The following DPP6 variants were observed in gnomAD, a reference collection of about 807,000 sequenced individuals.
The protein encoded by DPP6 is dipeptidyl peptidase like 6.
DPP6 carries 69 observed loss-of-function variants against 122.6 expected under a neutral mutation model. The ratio of observed to expected loss-of-function variants is 0.56; its 90% CI spans 0.46 to 0.69. The LOEUF is 0.69. DPP6 is among the 30% of genes least tolerant of loss of function. The pLI is 0.00. For synonymous variants in DPP6, 418 were observed against 433.1 expected, an observed-to-expected ratio of 0.97 and a Z score of 0.43; for missense variants, 928 against 1,116.9, an observed-to-expected ratio of 0.83 and a Z score of 2.41.
intron 1 of DPP6, among the ~76,000 whole-genome samples, chr7:154,312,740 C>T (rs1163642395): frequency 2.0e-5 from 3 of 152,170 alleles, no homozygotes; most frequent in African/African-American, 7.2e-5. Context: ...TGGACATGCT[C>T]ATAAGATTTC....
chr7:154,087,182 G>T (rs1459663292), intron 1 of DPP6, among the ~76,000 whole-genome samples: 1 of 151,918 alleles, frequency 6.6e-6, no homozygotes, highest in Non-Finnish European at 1.5e-5. Flanking sequence ...TGTGGGACAG[G>T]AGGGAGTGTC....
rs1297540394 is a variant in DPP6 at position 154,877,794 on chromosome 7, C to T, written c.2078+1694C>T. ...AGTGAGACAGGTGCAGGCAGCCCCCCCAGAGACCAAGTGGGTCCGTCTGAC... is the reference window on the plus strand; with the variant it reads ...AGTGAGACAGGTGCAGGCAGCCCCCTCAGAGACCAAGTGGGTCCGTCTGAC... On this transcript the variant is annotated intron_variant, in intron 20 of 25. Transcript: ENST00000377770. This position sits in a 1 kb window ranked among gnomAD's most constrained non-coding sequence, Gnocchi z 5.2. Among the ~76,000 whole-genome samples the T allele has an allele frequency of 6.6e-6, 1 of 152,234 alleles. No homozygotes were observed. Among genetic ancestry groups the T allele is most frequent in the Non-Finnish European group, 1.5e-5 (1 of 68,034 alleles).
chr7:154,328,023 G>T (rs1167279097), intron 1 of DPP6, among the ~76,000 whole-genome samples: 2 of 152,286 alleles, frequency 1.3e-5, no homozygotes, highest in Non-Finnish European at 2.9e-5. Context: ...AGACCCCTCT[G>T]GTGGAGGTGG....
chr7:154,880,280 G>GC (rs1805280460), intron 20 of DPP6, among the ~76,000 whole-genome samples: 1 of 152,206 alleles, frequency 6.6e-6, no homozygotes, highest in Non-Finnish European at 1.5e-5. Flanking sequence ...GGCAGCACTG[G>GC]CCCAGAGCAC....
At chr7:154,049,023 T>C (rs370783500), upstream of DPP6, among the ~76,000 whole-genome samples, 13,328 of 145,078 alleles carry the variant, frequency 0.092, 158 homozygotes, top group Middle Eastern at 0.13. Flanking sequence ...ACTAATCATA[T>C]GAAACTAGAT....
At chr7:153,906,369 A>C (rs889010886) in intron 1 of DPP6, among the ~76,000 whole-genome samples, 2 of 152,140 alleles carry the variant, frequency 1.3e-5, no homozygotes, top group East Asian at 3.9e-4. Flanking sequence ...AATCTTTGGA[A>C]TCTACAGTGT....
chr7:154,661,673 T>C (rs1350673134), intron 6 of DPP6, among the ~76,000 whole-genome samples: 4 of 149,730 alleles, frequency 2.7e-5, no homozygotes, highest in Non-Finnish European at 5.9e-5. Flanking sequence ...CCATGGCATA[T>C]TGGCGCTAGT....
At chr7:153,850,541 A>G in the DPP6 span, among the ~76,000 whole-genome samples, 1 of 152,150 alleles carries the variant, frequency 6.6e-6, no homozygotes, top group Non-Finnish European at 1.5e-5. Context: ...TCTCAAGGAG[A>G]AGGTATATTA....
At chr7:154,575,442 G>GTGTGTGTGTGTGTGTGTGGTA (rs1554590149) in intron 5 of DPP6, among the ~76,000 whole-genome samples, 11 of 104,702 alleles carry the variant, frequency 1.1e-4, no homozygotes, top group Middle Eastern at 0.01. Context: ...TATGTGTGTG[G>GTGTGTGTGTGTGTGTGTGGTA]TGTGTGTATG....
At chr7:154,628,948 G>T (rs761727837) in intron 5 of DPP6, among the ~76,000 whole-genome samples, 13 of 152,198 alleles carry the variant, frequency 8.5e-5, no homozygotes, top group Non-Finnish European at 1.8e-4. Context: ...CAGGTGAAAG[G>T]TGTGGCGGGG....
At chr7:154,286,806 T>A (rs576133643) in intron 1 of DPP6, among the ~76,000 whole-genome samples, 2 of 146,670 alleles carry the variant, frequency 1.4e-5, no homozygotes, top group Non-Finnish European at 3.0e-5. Flanking sequence ...GATTTCTTCT[T>A]TTTTTTTTTT....
rs182122349 is a variant in DPP6 at position 154,080,133 on chromosome 7, A to C, written c.243+27070A>C. Among the ~76,000 whole-genome samples the C allele has an allele frequency of 5.9e-5, 9 of 152,136 alleles. No homozygotes were observed. In the East Asian group the frequency reaches 1.5e-3, roughly 26 times the overall value. On this transcript the variant is annotated intron_variant, in intron 1 of 25. Coordinates refer to ENST00000377770, the MANE Select transcript of DPP6 (RefSeq NM_130797.4). ...AAGGTCACTTTTCATAACACTTTGC[A>C]TGGAGAAGGAGTACAAGGGAAGTCA...
intron 3 of DPP6, among the ~76,000 whole-genome samples, chr7:154,490,300 G>A (rs1287925277): frequency 1.3e-5 from 2 of 152,352 alleles, no homozygotes; most frequent in East Asian, 1.9e-4. Flanking sequence ...ACCCCCAGGT[G>A]TCTCTTCCCC....
At chr7:154,387,381 G>A (rs1814211289) in intron 1 of DPP6, among the ~76,000 whole-genome samples, 2 of 152,206 alleles carry the variant, frequency 1.3e-5, no homozygotes, top group African/African-American at 4.8e-5. Flanking sequence ...CTGCAAGATG[G>A]CAATGAGATG....
intron 5 of DPP6, among the ~76,000 whole-genome samples, chr7:154,595,022 T>TA (rs1833009859): frequency 6.6e-6 from 1 of 151,928 alleles, no homozygotes; most frequent in South Asian, 2.1e-4. Flanking sequence ...GATTTTTTTT[T>TA]TGGCATTGAC....
chr7:154,053,238 C>T (rs1800532891), intron 1 of DPP6, among the ~76,000 whole-genome samples, 175 bp downstream of exon 1: 1 of 148,202 alleles, frequency 6.7e-6, no homozygotes, highest in African/African-American at 2.5e-5. Flanking sequence ...GTCACCGCGT[C>T]CCGGAGGGAG....
chr7:154,218,263 A>G (rs1157547269), intron 1 of DPP6, among the ~76,000 whole-genome samples: 1 of 152,148 alleles, frequency 6.6e-6, no homozygotes, highest in Non-Finnish European at 1.5e-5. Context: ...GGGGTCCCTA[A>G]TCCACACAAC....
At chr7:154,778,446 C>A (rs1029478437) in intron 10 of DPP6, among the ~76,000 whole-genome samples, 1 of 152,006 alleles carries the variant, frequency 6.6e-6, no homozygotes, top group Non-Finnish European at 1.5e-5. Context: ...TTCTCTCTTT[C>A]CAATTTATAC....
chr7:154,708,826 A>T (rs11243314), intron 7 of DPP6, among the ~76,000 whole-genome samples: 114,920 of 152,130 alleles, frequency 0.76, 45,493 homozygotes, highest in Non-Finnish European at 0.88. Context: ...GACAGACGGA[A>T]TACCTGAGGT....
Sources: gnomAD v4.1 joint callset for allele counts (sites outside exome capture counted in the v4.1 genomes callset) on GRCh38, gnomAD v4.1.1 for gene constraint, Gnocchi (gnomAD v3.1) non-coding constraint, MANE v1.5 for transcripts, NCBI Gene and HGNC (gene_info 2026-07-23, HGNC 2026-07-21) for gene names.